RARB: variants seen among roughly 807,000 people sequenced by gnomAD.
RARB encodes the protein HBV-activated protein.
Under a neutral mutation model 51.9 loss-of-function variants are expected in RARB, and 17 were observed. The observed-to-expected ratio is 0.33, with a 90% confidence interval of 0.22 to 0.49. RARB has a LOEUF of 0.49. RARB is among the 20% of genes least tolerant of loss of function. The pLI, the probability that RARB is intolerant of heterozygous loss-of-function variation, is 0.99. For synonymous variants in RARB, 215 were observed against 195.4 expected, an observed-to-expected ratio of 1.10 and a Z score of -0.84; for missense variants, 369 against 550.8, an observed-to-expected ratio of 0.67 and a Z score of 3.30.
At chr3:25,220,038 T>C (rs567352744) in intron 5 of RARB, among the ~76,000 whole-genome samples, 1 of 152,338 alleles carries the variant, frequency 6.6e-6, no homozygotes, top group African/African-American at 2.4e-5. Flanking sequence ...TATAGGATTA[T>C]CTTAAAGAAT....
At chr3:25,396,208 G>A (rs1707109831) in intron 5 of RARB, among the ~76,000 whole-genome samples, 1 of 152,202 alleles carries the variant, frequency 6.6e-6, no homozygotes, top group African/African-American at 2.4e-5. Flanking sequence ...CCTGAAATGT[G>A]ATCTATCTTC....
intron 5 of RARB, among the ~76,000 whole-genome samples, chr3:25,376,594 C>G (rs1016950685): frequency 1.4e-4 from 21 of 152,142 alleles, no homozygotes; most frequent in Non-Finnish European, 8.8e-5. Context: ...AAAAGTGCAC[C>G]TACCTACACA....
chr3:25,221,114 T>C (rs2125384512), intron 5 of RARB, among the ~76,000 whole-genome samples: 1 of 149,642 alleles, frequency 6.7e-6, no homozygotes, highest in East Asian at 1.9e-4. Flanking sequence ...TGGATTTTCA[T>C]ACAAGATACA....
chr3:24,883,356 T>TGTGTG (rs1049964466), intron 2 of RARB, among the ~76,000 whole-genome samples: 1 of 143,672 alleles, frequency 7.0e-6, no homozygotes, highest in Non-Finnish European at 1.5e-5. Context: ...TCAACAATCA[T>TGTGTG]TGTGTGTGTG....
chr3:24,848,112 T>A (rs185765317), intron 1 of RARB, among the ~76,000 whole-genome samples: 1 of 152,294 alleles, frequency 6.6e-6, no homozygotes, highest in African/African-American at 2.4e-5. Flanking sequence ...CAGGCTGGAG[T>A]GCAGTGGCAC....
rs933202938 is a variant in RARB at position 25,229,765 on chromosome 3, G to A, written c.178+55190G>A. ...AGATTAATTCCTTGGCAGGTCAAGA[G>A]GAGAACAGTGTGTAGCCAATCCTAC... On this transcript the variant is annotated intron_variant, in intron 5 of 11. Transcript: ENST00000383772. 5.5e-5 allele frequency among the ~76,000 whole-genome samples: 8 copies of A among 144,524 alleles called. No individual in the cohort carries two copies. The Admixed American group carries it at 5.8e-4, about 10-fold the overall frequency. 94.8% of individuals were successfully genotyped at this position (144,524 alleles called of 152,430 possible).
At chr3:25,297,402 CTTTTTTTTTTTT>C (rs67843073) in intron 5 of RARB, among the ~76,000 whole-genome samples, 1 of 63,434 alleles carries the variant, frequency 1.6e-5, no homozygotes, top group East Asian at 4.2e-4. Flanking sequence ...AGAAGGTATT[CTTTTTTTTTTTT>C]TTTTTTTTTT....
At chr3:25,584,718 A>C (rs1242823177) in intron 5 of RARB, among the ~76,000 whole-genome samples, 1 of 152,118 alleles carries the variant, frequency 6.6e-6, no homozygotes, top group Non-Finnish European at 1.5e-5. Flanking sequence ...CTGGGTTTTG[A>C]GCAGAGGTGT....
chr3:24,860,557 C>A (rs1702731760), intron 2 of RARB, among the ~76,000 whole-genome samples: 1 of 152,082 alleles, frequency 6.6e-6, no homozygotes, highest in Non-Finnish European at 1.5e-5. Flanking sequence ...ACAAACAAAC[C>A]CATCCACTGC....
At chr3:25,451,115 A>C (rs1709176073) in intron 1 of RARB, among the ~76,000 whole-genome samples, 1 of 152,192 alleles carries the variant, frequency 6.6e-6, no homozygotes, top group Admixed American at 6.5e-5. Context: ...AAACAAAAAA[A>C]ACCCTGCCCT....
At chr3:24,865,851 C>T (rs1702838293) in intron 2 of RARB, among the ~76,000 whole-genome samples, 1 of 152,118 alleles carries the variant, frequency 6.6e-6, no homozygotes, top group Non-Finnish European at 1.5e-5. Context: ...CCTAATTGTG[C>T]AGCCTGAGAC....
At chr3:25,351,361 C>T (rs190145361) in intron 5 of RARB, among the ~76,000 whole-genome samples, 1 of 151,870 alleles carries the variant, frequency 6.6e-6, no homozygotes, top group Admixed American at 6.6e-5. Flanking sequence ...TGTTAGAATC[C>T]TCATTTGTGC....
chr3:25,282,062 T>C (rs1703536404), intron 5 of RARB, among the ~76,000 whole-genome samples: 2 of 152,218 alleles, frequency 1.3e-5, no homozygotes, highest in Non-Finnish European at 1.5e-5. Flanking sequence ...TATAAAATTA[T>C]GCAAAGGCAA....
intron 5 of RARB, among the ~76,000 whole-genome samples, chr3:25,199,149 G>C (rs192787016): frequency 7.4e-4 from 112 of 152,148 alleles, no homozygotes; most frequent in African/African-American, 2.6e-3. Context: ...TTGCAACAAC[G>C]TGGATGGAAC....
chr3:25,373,859 G>C (rs1247603281), intron 5 of RARB, among the ~76,000 whole-genome samples: 3 of 152,252 alleles, frequency 2.0e-5, no homozygotes, highest in Admixed American at 6.5e-5. Context: ...GGTAATGGGG[G>C]ACTAACTGGC....
intron 5 of RARB, among the ~76,000 whole-genome samples, chr3:25,208,963 C>T (rs1242901361): frequency 1.3e-5 from 2 of 152,190 alleles, no homozygotes; most frequent in African/African-American, 4.8e-5. Flanking sequence ...CAGCAGACTA[C>T]CCTGGGTCTA....
intron 5 of RARB, among the ~76,000 whole-genome samples, chr3:25,290,904 A>T (rs1350131366): frequency 6.6e-6 from 1 of 152,148 alleles, no homozygotes; most frequent in East Asian, 1.9e-4. Context: ...TGTGAATTAT[A>T]AGTGAAATTA....
At chr3:25,320,028 CTT>C (rs113901586) in intron 5 of RARB, among the ~76,000 whole-genome samples, 25 of 142,338 alleles carry the variant, frequency 1.8e-4, no homozygotes, top group Admixed American at 3.5e-4. Flanking sequence ...TAAGGATCAT[CTT>C]TTTTTTTTTT....
chr3:25,452,670 G>A (rs1709245382), intron 1 of RARB, among the ~76,000 whole-genome samples: 2 of 149,636 alleles, frequency 1.3e-5, no homozygotes, highest in South Asian at 2.1e-4. Context: ...AAAGCGGGGG[G>A]GGTTTGGTGA....
Sources: allele counts gnomAD v4.1 joint callset (sites outside exome capture counted in the v4.1 genomes callset), GRCh38; gene constraint gnomAD v4.1.1; transcripts MANE v1.5; gene names NCBI Gene and HGNC (gene_info 2026-07-23, HGNC 2026-07-21).